The following SORCS2 variants were observed in gnomAD, a reference collection of about 807,000 sequenced individuals.
SORCS2 encodes the protein VPS10 domain-containing receptor SorCS2.
Under a neutral mutation model 141.6 loss-of-function variants are expected in SORCS2, and 100 were observed. That is an observed-to-expected ratio of 0.71 (90% CI 0.60 to 0.83). The LOEUF (loss-of-function observed/expected upper bound fraction) is 0.83, where lower values mean the gene tolerates loss of function less well. SORCS2 is among the 40% of genes least tolerant of loss of function. The probability of loss-of-function intolerance (pLI) is 0.00; values close to 1 mark genes in which losing one functional copy is unlikely to be tolerated. For synonymous variants in SORCS2, 789 were observed against 676.9 expected (o/e 1.17, Z -2.57); for missense variants, 1,646 against 1,560.2 (o/e 1.05, Z -0.93).
At chr4:7,364,463 T>C (rs1042431980) in intron 1 of SORCS2, among the ~76,000 whole-genome samples, 3 of 152,108 alleles carry the variant, frequency 2.0e-5, no homozygotes, top group African/African-American at 7.2e-5. Context: ...AAGGCTGCTA[T>C]GGGGGTGGCA....
chr4:7,261,353 A>C (rs972281974), intron 1 of SORCS2, among the ~76,000 whole-genome samples: 1 of 152,202 alleles, frequency 6.6e-6, no homozygotes, highest in Non-Finnish European at 1.5e-5. Flanking sequence ...TAAATGTGTC[A>C]TATTTAGCTC....
In SORCS2 at chr4:7,531,612, C is replaced by A; in HGVS notation, c.631C>A (p.Pro211Thr). Reference protein sequence around the residue: ...TTVIDNFYICPTNKRKVILVS... With the variant: ...TTVIDNFYICTTNKRKVILVS... ...CGTCATCGACAATTTCTACATCTGCCCGACCAACAAGAGGAAGGTAGGTGC... is the reference window on the plus strand; with the variant it reads ...CGTCATCGACAATTTCTACATCTGCACGACCAACAAGAGGAAGGTAGGTGC... The change falls in exon 3 of 27, where the codon CCG becomes ACG. Residue 211 changes from proline (P) to threonine (T), a missense_variant. Transcript: ENST00000507866. The A allele has an allele frequency of 6.2e-7, 1 of 1,613,770 alleles. No individual in the cohort carries two copies. Among genetic ancestry groups the A allele is most frequent in the Non-Finnish European group, 8.5e-7 (1 of 1,179,806 alleles).
chr4:7,513,491 C>A (rs73212599), intron 2 of SORCS2, among the ~76,000 whole-genome samples: 1,977 of 152,342 alleles, frequency 0.013, 12 homozygotes, highest in Non-Finnish European at 0.018. Flanking sequence ...CAGGCCAGAG[C>A]CGGGACTGCT....
chr4:7,720,624 C>G (rs554641790), intron 18 of SORCS2, among the ~76,000 whole-genome samples: 4 of 152,294 alleles, frequency 2.6e-5, no homozygotes, highest in African/African-American at 9.6e-5. Flanking sequence ...GGACCAGTAC[C>G]TAGACTAGAG....
In SORCS2 at chr4:7,192,916, G is replaced by C; in HGVS notation, c.270G>C (p.Glu90Asp). ...AGGACCGGCAGGCGCGCGGCACGGA[G>C]CCAGGCGCCCCGGGTCCGAGTCCCG... ...GGEDRQARGT[E>D]PGAPGPSPGP... Residue 90 changes from glutamate to aspartate, a missense_variant, in exon 1 of 27, where the codon GAG becomes GAC. By Grantham distance (45) the Glu-to-Asp change is conservative (BLOSUM62 2). Transcript: ENST00000507866. The surrounding 1 kb of genome is among the most constrained non-coding windows in gnomAD (Gnocchi z 4.0). The C allele has an allele frequency of 3.3e-6, 4 of 1,215,654 alleles. No individual in the cohort carries two copies. Among genetic ancestry groups the C allele is most frequent in the Non-Finnish European group, 4.1e-6 (4 of 979,074 alleles). 75.3% of individuals were successfully genotyped at this position (1,215,654 alleles called of 1,614,324 possible).
chr4:7,558,220 T>G (rs1219396619), intron 3 of SORCS2, among the ~76,000 whole-genome samples: 1 of 152,226 alleles, frequency 6.6e-6, no homozygotes, highest in African/African-American at 2.4e-5. Flanking sequence ...AAACAGATTC[T>G]CTTAGACCAG....
rs376850052 is a variant in SORCS2, at chr4:7,607,259, T to C, written c.649-31069T>C. The stretch of plus-strand genomic sequence containing the variant: ...CCTTTTAATCATGAAAATAAAAATA[T>C]GTGTTCAGCATTTCAATACTTGGAT... On this transcript the variant is annotated intron_variant, in intron 3 of 26. Transcript: ENST00000507866. Among the ~76,000 whole-genome samples the C allele has an allele frequency of 8.3e-4, 126 of 152,330 alleles. 1 individual carries two copies. Among genetic ancestry groups the C allele is most frequent in the African/African-American group, 3.0e-3 (125 of 41,576 alleles).
chr4:7,652,509 G>T (rs934631436), intron 4 of SORCS2, among the ~76,000 whole-genome samples: 1 of 151,906 alleles, frequency 6.6e-6, no homozygotes, highest in Non-Finnish European at 1.5e-5. Flanking sequence ...CCCCGACCCC[G>T]CCCACTCCTC....
chr4:7,292,735 G>A (rs1376461013), intron 1 of SORCS2, among the ~76,000 whole-genome samples: 1 of 152,176 alleles, frequency 6.6e-6, no homozygotes, highest in Non-Finnish European at 1.5e-5. Context: ...CTTGGGGCCT[G>A]GGTCGGGAAT....
intron 1 of SORCS2, among the ~76,000 whole-genome samples, chr4:7,297,419 A>G (rs1265042471): frequency 1.3e-5 from 2 of 149,958 alleles, no homozygotes; most frequent in African/African-American, 4.9e-5. Context: ...CCCCTCCCCC[A>G]CCCCCACCCC....
Position 7,337,745 on chromosome 4 carries a change from G to A in SORCS2, c.481-58543G>A, listed in dbSNP as rs550203346. ...AATCCCAGCCGCCCTTAGCCAATGC[G>A]TGCAGTGAAGTTCTTACTCCCTACC... is the stretch of plus-strand genomic sequence containing the variant. On this transcript the variant is annotated intron_variant, in intron 1 of 26. Transcript: ENST00000507866. Among the ~76,000 whole-genome samples, 12 of 152,320 alleles carry A rather than the reference G, an allele frequency of 7.9e-5. No individual in the cohort carries two copies. In the East Asian group the frequency reaches 1.2e-3, roughly 15 times the overall value.
chr4:7,477,506 C>G (rs993315742), intron 2 of SORCS2, among the ~76,000 whole-genome samples: 2 of 152,084 alleles, frequency 1.3e-5, no homozygotes, highest in Non-Finnish European at 2.9e-5. Flanking sequence ...GAGCTGGCTC[C>G]CATTCCAGAT....
intron 1 of SORCS2, among the ~76,000 whole-genome samples, chr4:7,363,074 C>A (rs897307237): frequency 2.1e-5 from 3 of 146,136 alleles, no homozygotes; most frequent in African/African-American, 8.1e-5. Context: ...TACCGTCATA[C>A]ATCATCATCA....
At chr4:7,209,449 C>T (rs549479746) in intron 1 of SORCS2, among the ~76,000 whole-genome samples, 3 of 152,232 alleles carry the variant, frequency 2.0e-5, no homozygotes, top group African/African-American at 7.2e-5. Flanking sequence ...GGCCAGGCAC[C>T]TCTCTCTTTA....
At chr4:7,386,176 C>T (rs11728474) in intron 1 of SORCS2, among the ~76,000 whole-genome samples, 12,882 of 112,486 alleles carry the variant, frequency 0.11, 480 homozygotes, top group Non-Finnish European at 0.14. Flanking sequence ...CACATGCGCA[C>T]GCACACACAT....
chr4:7,507,563 G>C (rs1042973460), intron 2 of SORCS2, among the ~76,000 whole-genome samples: 5 of 152,226 alleles, frequency 3.3e-5, no homozygotes, highest in African/African-American at 1.2e-4. Flanking sequence ...AAGAGAACTT[G>C]TCTTAGAAGC....
intron 1 of SORCS2, among the ~76,000 whole-genome samples, chr4:7,229,669 C>T (rs183221728): frequency 5.9e-5 from 9 of 152,374 alleles, no homozygotes; most frequent in Admixed American, 3.9e-4. Flanking sequence ...GCTTCTGTCA[C>T]GGTCGTGGGT....
intron 3 of SORCS2, among the ~76,000 whole-genome samples, chr4:7,578,508 C>T (rs1715921291): frequency 6.6e-6 from 1 of 152,240 alleles, no homozygotes; most frequent in Non-Finnish European, 1.5e-5. Flanking sequence ...ATCACAATTA[C>T]TTCCAGTTAA....
At chr4:7,511,754 G>A (rs966517538) in intron 2 of SORCS2, among the ~76,000 whole-genome samples, 2 of 152,146 alleles carry the variant, frequency 1.3e-5, no homozygotes, top group Non-Finnish European at 2.9e-5. Context: ...TGGCTTCCCC[G>A]TCTGGAATTC....
Sources: allele counts gnomAD v4.1 joint callset (sites outside exome capture counted in the v4.1 genomes callset), GRCh38; gene constraint gnomAD v4.1.1; non-coding constraint Gnocchi (gnomAD v3.1); transcripts MANE v1.5; gene names NCBI Gene and HGNC (gene_info 2026-07-23, HGNC 2026-07-21).